Variants in ZBTB20 observed in about 807,000 individuals in gnomAD.
ZBTB20 encodes the protein zinc finger and BTB domain containing 20.
Under a neutral mutation model 56.9 loss-of-function variants are expected in ZBTB20, and 9 were observed. That is an observed-to-expected ratio of 0.16 (90% CI 0.10 to 0.28). The LOEUF (loss-of-function observed/expected upper bound fraction) is 0.28. ZBTB20 is among the 10% of genes least tolerant of loss of function. ZBTB20 has a pLI of 1.00. For synonymous variants in ZBTB20, 417 were observed against 420.7 expected, an observed-to-expected ratio of 0.99 and a Z score of 0.11; for missense variants, 655 against 1,003.0, an observed-to-expected ratio of 0.65 and a Z score of 4.69.
intron 5 of ZBTB20, among the ~76,000 whole-genome samples, chr3:114,771,466 T>G (rs976963518): frequency 4.6e-5 from 7 of 152,316 alleles, no homozygotes; most frequent in African/African-American, 1.7e-4. Context: ...ATCTTTCCTG[T>G]TTTTACTTGG....
At chr3:114,740,956 G>A (rs1444073096) in intron 5 of ZBTB20, among the ~76,000 whole-genome samples, 1 of 152,120 alleles carries the variant, frequency 6.6e-6, no homozygotes, top group Non-Finnish European at 1.5e-5. Context: ...CGAAACTTTA[G>A]ATAAACATGG....
intron 2 of ZBTB20, among the ~76,000 whole-genome samples, chr3:115,004,445 A>T (rs998407296): frequency 1.3e-5 from 2 of 151,594 alleles, no homozygotes; most frequent in Non-Finnish European, 3.0e-5. Flanking sequence ...GAGGATAGCT[A>T]TTTGGGGACT....
intron 7 of ZBTB20, among the ~76,000 whole-genome samples, chr3:114,409,471 A>G (rs1449650833): frequency 1.3e-5 from 2 of 152,028 alleles, no homozygotes; most frequent in Non-Finnish European, 2.9e-5. Context: ...TTCATGGCTG[A>G]AGGCACTACA....
intron 10 of ZBTB20, among the ~76,000 whole-genome samples, chr3:114,364,059 T>G (rs1403467702): frequency 7.6e-5 from 4 of 52,650 alleles, no homozygotes; most frequent in Non-Finnish European, 2.3e-4. Flanking sequence ...TAAACTTCAC[T>G]GTAATATTTT....
intron 1 of ZBTB20, among the ~76,000 whole-genome samples, chr3:115,101,664 A>G (rs1306862458): frequency 6.6e-6 from 1 of 152,214 alleles, no homozygotes; most frequent in Non-Finnish European, 1.5e-5. Context: ...TAAGAACATT[A>G]TAATAGAGGT....
chr3:115,128,594 G>A (rs1467190439), intron 1 of ZBTB20, among the ~76,000 whole-genome samples: 1 of 151,750 alleles, frequency 6.6e-6, no homozygotes, highest in African/African-American at 2.4e-5. Context: ...AACCCAGGAG[G>A]CGGAGGTTGC....
intron 7 of ZBTB20, among the ~76,000 whole-genome samples, chr3:114,478,209 G>T (rs967948077): frequency 6.6e-6 from 1 of 151,986 alleles, no homozygotes; most frequent in African/African-American, 2.4e-5. Context: ...CAGGTGATCC[G>T]CCTGCCTCGG....
intron 7 of ZBTB20, among the ~76,000 whole-genome samples, chr3:114,496,519 C>T (rs1247295037): frequency 2.0e-5 from 3 of 152,220 alleles, no homozygotes; most frequent in Non-Finnish European, 4.4e-5. Flanking sequence ...CCAAACCTTT[C>T]TCCAGAAAGC....
intron 2 of ZBTB20, among the ~76,000 whole-genome samples, chr3:115,037,630 G>A (rs1405311331): frequency 2.6e-5 from 4 of 152,158 alleles, no homozygotes; most frequent in African/African-American, 9.7e-5. Context: ...TCAAAACTGG[G>A]ACATAGTTGG....
At chr3:114,386,230 T>C (rs2085106268) in intron 8 of ZBTB20, among the ~76,000 whole-genome samples, 1 of 152,234 alleles carries the variant, frequency 6.6e-6, no homozygotes, top group Non-Finnish European at 1.5e-5. Flanking sequence ...CTCACATCAA[T>C]TTAAGATATT....
intron 3 of ZBTB20, among the ~76,000 whole-genome samples, chr3:114,921,205 C>T (rs1209625339): frequency 6.6e-6 from 1 of 152,174 alleles, no homozygotes; most frequent in Non-Finnish European, 1.5e-5. Flanking sequence ...TCACTGCAAC[C>T]TCCATCTCCT....
At chr3:114,857,231 T>C (rs976793173) in intron 4 of ZBTB20, among the ~76,000 whole-genome samples, 3 of 152,320 alleles carry the variant, frequency 2.0e-5, no homozygotes, top group South Asian at 4.2e-4. Context: ...AAATATTGCT[T>C]TGAGATCACG....
chr3:114,639,085 G>C (rs1199426782), intron 6 of ZBTB20, among the ~76,000 whole-genome samples: 4 of 151,984 alleles, frequency 2.6e-5, no homozygotes, highest in African/African-American at 9.7e-5. Context: ...TTTCACCTGA[G>C]GTTTGAACCC....
intron 6 of ZBTB20, among the ~76,000 whole-genome samples, chr3:114,567,923 C>T (rs1001015037): frequency 6.6e-6 from 1 of 152,226 alleles, no homozygotes; most frequent in African/African-American, 2.4e-5. Context: ...ATTGATAGCA[C>T]TTGGCTCTGG....
At chr3:114,833,566 A>G (rs1300065024) in intron 4 of ZBTB20, among the ~76,000 whole-genome samples, 2 of 151,726 alleles carry the variant, frequency 1.3e-5, no homozygotes, top group African/African-American at 2.4e-5. Context: ...GTTTCACTCT[A>G]TCACCTAGGC....
intron 4 of ZBTB20, among the ~76,000 whole-genome samples, chr3:114,830,720 C>T (rs1443623557): frequency 2.6e-5 from 4 of 151,904 alleles, no homozygotes; most frequent in African/African-American, 2.4e-5. Flanking sequence ...AATAAGTGAT[C>T]GTGCCAGGAT....
At chr3:115,080,023 G>A (rs1175954185) in intron 1 of ZBTB20, among the ~76,000 whole-genome samples, 1 of 152,154 alleles carries the variant, frequency 6.6e-6, no homozygotes, top group African/African-American at 2.4e-5. Flanking sequence ...CAAACTGAAT[G>A]TTCATGCCCA....
intron 10 of ZBTB20, among the ~76,000 whole-genome samples, chr3:114,372,275 AT>A (rs1424617377): frequency 6.6e-6 from 1 of 152,258 alleles, no homozygotes; most frequent in African/African-American, 2.4e-5. Context: ...AGATGGCAAG[AT>A]GAAGAACAGA....
intron 7 of ZBTB20, among the ~76,000 whole-genome samples, chr3:114,433,088 G>A (rs546142456): frequency 3.9e-5 from 6 of 152,126 alleles, no homozygotes; most frequent in East Asian, 1.9e-4. Flanking sequence ...ATAGTTTTAC[G>A]TAGATATAGG....
Sources: gnomAD v4.1 joint callset for allele counts (sites outside exome capture counted in the v4.1 genomes callset) on GRCh38, gnomAD v4.1.1 for gene constraint, MANE v1.5 for transcripts, NCBI Gene and HGNC (gene_info 2026-07-23, HGNC 2026-07-21) for gene names.